The following ADAMTS17 variants were observed in gnomAD, a reference collection of about 807,000 sequenced individuals.
The protein encoded by ADAMTS17 is ADAM metallopeptidase with thrombospondin type 1 motif 17.
A neutral mutation model predicts 141.5 loss-of-function variants in ADAMTS17; 113 were observed. The ratio of observed to expected loss-of-function variants is 0.80; its 90% CI spans 0.69 to 0.93. The LOEUF (loss-of-function observed/expected upper bound fraction) is 0.93, where lower values mean the gene tolerates loss of function less well. Among genes scored for constraint, ADAMTS17 ranks in the 40% least tolerant of loss-of-function variants. The pLI, the probability that ADAMTS17 is intolerant of heterozygous loss-of-function variation, is 0.00. For synonymous variants in ADAMTS17, 768 were observed against 630.6 expected, an observed-to-expected ratio of 1.22 and a Z score of -3.27; for missense variants, 1,659 against 1,517.9, an observed-to-expected ratio of 1.09 and a Z score of -1.54.
chr15:100,109,214 G>A (rs2036592190), intron 13 of ADAMTS17, 98 bp from the exon 14 acceptor site: 1 of 1,528,030 alleles, frequency 6.5e-7, no homozygotes, highest in Non-Finnish European at 8.9e-7. Flanking sequence ...CTGAGGAAGA[G>A]AGGTCCGCAC....
At chr15:100,095,065 T>C (rs956618765) in intron 15 of ADAMTS17, among the ~76,000 whole-genome samples, 4 of 152,204 alleles carry the variant, frequency 2.6e-5, no homozygotes, top group African/African-American at 9.6e-5. Flanking sequence ...TTTTAATGAA[T>C]TACAGTTTGG....
At chr15:100,144,815 T>C (rs1269036749) in intron 10 of ADAMTS17, among the ~76,000 whole-genome samples, 2 of 150,130 alleles carry the variant, frequency 1.3e-5, no homozygotes, top group African/African-American at 4.9e-5. Context: ...GGGAGGCCTC[T>C]CCCTCCTGCC....
chr15:99,993,278 G>T lies in ADAMTS17; in HGVS notation c.2797-78C>A. The T allele has an allele frequency of 6.3e-7, 1 of 1,577,284 alleles. No individual in the cohort carries two copies. ...TCAACAGCTATTAACTCCCTCCAAT[G>T]TGCCAGGTGCGGTGTGGGGATGATA... On this transcript the variant is annotated intron_variant, in intron 19 of 21. Transcript: ENST00000268070. This position sits in a 1 kb window ranked among gnomAD's most constrained non-coding sequence, Gnocchi z 4.3.
chr15:100,248,912 T>C (rs1217080270), intron 7 of ADAMTS17, among the ~76,000 whole-genome samples: 2 of 151,902 alleles, frequency 1.3e-5, no homozygotes, highest in African/African-American at 4.8e-5. Context: ...GATTGTCCTG[T>C]CGCAGCCTCC....
intron 14 of ADAMTS17, among the ~76,000 whole-genome samples, chr15:100,102,974 A>C (rs2141058004): frequency 6.6e-6 from 1 of 152,206 alleles, no homozygotes; most frequent in Admixed American, 6.5e-5. Context: ...CGCCTCTTCC[A>C]GCTCTGGCCT....
Position 100,283,618 on chromosome 15 carries a change from T to C in ADAMTS17, c.617-2217A>G, listed in dbSNP as rs149539319. On this transcript the variant is annotated intron_variant, in intron 3 of 21. Transcript: ENST00000268070. The stretch of plus-strand genomic sequence containing the variant: ...TGCAGATGCTCCCCACGTTGGTTAT[T>C]CGGTACTTGTTTTCACACCTTGTCG... Among the ~76,000 whole-genome samples, 190 of 152,328 alleles carry C rather than the reference T, an allele frequency of 1.2e-3. 1 individual carries two copies. The highest frequency in any genetic ancestry group is 4.3e-3 in the African/African-American group (179 of 41,572).
At chr15:100,288,617 A>G (rs1408009126) in intron 3 of ADAMTS17, among the ~76,000 whole-genome samples, 1 of 152,216 alleles carries the variant, frequency 6.6e-6, no homozygotes. Context: ...ACAATCAGCC[A>G]TAAGACAATT....
chr15:100,276,934 G>A (rs1383674878), intron 4 of ADAMTS17, among the ~76,000 whole-genome samples: 1 of 152,166 alleles, frequency 6.6e-6, no homozygotes, highest in Non-Finnish European at 1.5e-5. Flanking sequence ...GTTTAAACAA[G>A]GTGTCATCTC....
chr15:100,330,105 T>A (rs1008259474), intron 3 of ADAMTS17, among the ~76,000 whole-genome samples: 2 of 152,182 alleles, frequency 1.3e-5, no homozygotes, highest in Admixed American at 6.5e-5. Flanking sequence ...CCATGAAATG[T>A]CCTTAAACAG....
At chr15:100,116,750 T>C in intron 13 of ADAMTS17, 97 bp downstream of exon 13, 1 of 1,570,810 alleles carries the variant, frequency 6.4e-7, no homozygotes, top group Non-Finnish European at 8.7e-7. Context: ...GCTGGGTTGG[T>C]TTGGGAAAGG....
chr15:100,121,826 C>A lies in ADAMTS17; in HGVS notation c.1722-4813G>T, dbSNP rs10902562. 8.4e-3 allele frequency among the ~76,000 whole-genome samples: 1,272 copies of A among 152,040 alleles called. 11 individuals carry two copies. Among genetic ancestry groups the A allele is most frequent in the Middle Eastern group, 0.014 (4 of 294 alleles). ...TTCAGTGGCCTGTGATGCATTCCAC[C>A]TCCCTGTGGACAGCATTCTCCTGTA... On this transcript the variant is annotated intron_variant, in intron 12 of 21. Transcript: ENST00000268070.
chr15:100,340,683 C>T (rs2585223), intron 2 of ADAMTS17, among the ~76,000 whole-genome samples: 23,644 of 152,110 alleles, frequency 0.16, 2,209 homozygotes, highest in African/African-American at 0.24. Context: ...GGTGCAGATG[C>T]AGTGTTCTCT....
At chr15:100,302,493 T>G (rs905575227) in intron 3 of ADAMTS17, among the ~76,000 whole-genome samples, 4 of 152,200 alleles carry the variant, frequency 2.6e-5, no homozygotes, top group African/African-American at 9.6e-5. Context: ...GACTGTTTTC[T>G]TCAACAACTG....
intron 4 of ADAMTS17, among the ~76,000 whole-genome samples, chr15:100,264,787 G>A (rs1470005578): frequency 6.6e-6 from 1 of 152,034 alleles, no homozygotes; most frequent in Non-Finnish European, 1.5e-5. Flanking sequence ...AAGGGGGATG[G>A]GAAAGTTTCG....
At chr15:100,168,049 C>G (rs57558908) in intron 8 of ADAMTS17, among the ~76,000 whole-genome samples, 3,187 of 152,300 alleles carry the variant, frequency 0.021, 131 homozygotes, top group East Asian at 0.17. Context: ...ACGAACAAGG[C>G]GGGTACGTGT....
intron 7 of ADAMTS17, among the ~76,000 whole-genome samples, chr15:100,233,330 CAA>C (rs34011548): frequency 2.9e-5 from 4 of 137,446 alleles, no homozygotes; most frequent in Admixed American, 7.3e-5. Context: ...AACTCCATCT[CAA>C]AAAAAAAAAA....
chr15:100,037,303 T>TATAC (rs1184154783), intron 18 of ADAMTS17, among the ~76,000 whole-genome samples: 1 of 152,266 alleles, frequency 6.6e-6, no homozygotes, highest in Admixed American at 6.5e-5. Context: ...GGATGCTGAA[T>TATAC]ATACCTTCTT....
chr15:100,187,325 T>C lies in ADAMTS17; in HGVS notation c.1181+11993A>G, dbSNP rs74454379. ...ATTGCTTTAGGGTGCTCTTCGACTT[T>C]CTTTCCCTTTGGTAACCAGCCCTCT... On this transcript the variant is annotated intron_variant, in intron 8 of 21. Coordinates refer to ENST00000268070, the MANE Select transcript of ADAMTS17 (RefSeq NM_139057.4). Among the ~76,000 whole-genome samples the C allele has an allele frequency of 5.6e-3, 855 of 152,276 alleles. 14 individuals carry two copies. The highest frequency in any genetic ancestry group is 0.02 in the African/African-American group (811 of 41,508).
At chr15:100,200,772 C>A (rs1300013888) in intron 7 of ADAMTS17, among the ~76,000 whole-genome samples, 2 of 152,176 alleles carry the variant, frequency 1.3e-5, no homozygotes, top group African/African-American at 4.8e-5. Flanking sequence ...GCTGTGGCCA[C>A]CAGGAAGGAG....
Sources: gnomAD v4.1 joint callset for allele counts (sites outside exome capture counted in the v4.1 genomes callset) on GRCh38, gnomAD v4.1.1 for gene constraint, Gnocchi (gnomAD v3.1) non-coding constraint, MANE v1.5 for transcripts, NCBI Gene and HGNC (gene_info 2026-07-23, HGNC 2026-07-21) for gene names.